SHANK2: variants seen among roughly 807,000 people sequenced by gnomAD.
SHANK2 encodes SH3 and multiple ankyrin repeat domains protein 2.
SHANK2 carries 43 observed loss-of-function variants against 133.7 expected under a neutral mutation model. The observed-to-expected ratio is 0.32, with a 90% confidence interval of 0.25 to 0.41. The LOEUF (loss-of-function observed/expected upper bound fraction) is 0.41, where lower values mean the gene tolerates loss of function less well. SHANK2 is among the 10% of genes least tolerant of loss of function. The pLI is 1.00. For synonymous variants in SHANK2, 1,017 were observed against 952.8 expected, an observed-to-expected ratio of 1.07 and a Z score of -1.24; for missense variants, 1,994 against 2,235.8, an observed-to-expected ratio of 0.89 and a Z score of 2.18.
chr11:70,894,004 A>C (rs1949894027), intron 11 of SHANK2, among the ~76,000 whole-genome samples: 1 of 152,182 alleles, frequency 6.6e-6, no homozygotes, highest in South Asian at 2.1e-4. Flanking sequence ...TCGCCCAACA[A>C]ATGGGCATTC....
intron 14 of SHANK2, among the ~76,000 whole-genome samples, chr11:70,782,156 C>G (rs183482105): frequency 5.3e-5 from 8 of 151,606 alleles, no homozygotes; most frequent in Admixed American, 5.3e-4. Context: ...CCTCTGCCTC[C>G]TGGGTTCAAG....
chr11:70,626,957 C>T (rs2060913382), intron 17 of SHANK2, among the ~76,000 whole-genome samples: 1 of 152,204 alleles, frequency 6.6e-6, no homozygotes, highest in South Asian at 2.1e-4. Context: ...GCACGTATCT[C>T]ATTTCCTGGG....
At chr11:70,864,219 G>A (rs1240454563) in intron 11 of SHANK2, 1 of 184,596 alleles carries the variant, frequency 5.4e-6, no homozygotes, top group Non-Finnish European at 1.1e-5. Flanking sequence ...ACTCCACTGG[G>A]ATGCTCTGCT....
chr11:71,141,587 T>G (rs1555105810), intron 3 of SHANK2, among the ~76,000 whole-genome samples: 1 of 152,160 alleles, frequency 6.6e-6, no homozygotes, highest in Non-Finnish European at 1.5e-5. Context: ...TCCCCAGCCA[T>G]GTGGAACTGT....
chr11:70,950,727 C>T (rs1292947617), intron 10 of SHANK2, among the ~76,000 whole-genome samples: 1 of 152,176 alleles, frequency 6.6e-6, no homozygotes, highest in Non-Finnish European at 1.5e-5. Flanking sequence ...CATGCCTCAG[C>T]CTCCCAAGTA....
chr11:70,492,095 C>T (rs549350119), intron 22 of SHANK2, among the ~76,000 whole-genome samples: 3 of 152,190 alleles, frequency 2.0e-5, no homozygotes, highest in Non-Finnish European at 2.9e-5. Flanking sequence ...AGGACACCTT[C>T]GAGGCTCAGG....
chr11:70,894,966 G>C (rs1208509049), intron 11 of SHANK2, among the ~76,000 whole-genome samples: 2 of 152,238 alleles, frequency 1.3e-5, no homozygotes, highest in Admixed American at 1.3e-4. Flanking sequence ...CACTCTGAGA[G>C]CTCAGTTCAT....
At chr11:70,755,689 C>T (rs1029410533) in intron 14 of SHANK2, among the ~76,000 whole-genome samples, 4 of 152,120 alleles carry the variant, frequency 2.6e-5, no homozygotes, top group African/African-American at 7.2e-5. Context: ...CTCCGCACCC[C>T]GCGGCTGCCA....
At chr11:71,241,861 A>G (rs1455927129) in intron 1 of SHANK2, among the ~76,000 whole-genome samples, 1 of 152,228 alleles carries the variant, frequency 6.6e-6, no homozygotes, top group African/African-American at 2.4e-5. Flanking sequence ...TAGTATCTCA[A>G]GACCAGACGG....
intron 10 of SHANK2, among the ~76,000 whole-genome samples, chr11:70,915,061 T>C (rs1468729297): frequency 6.6e-6 from 1 of 152,202 alleles, no homozygotes; most frequent in Admixed American, 6.5e-5. Context: ...CTAATCTTAG[T>C]AATGTGATCT....
At chr11:71,130,108 T>C (rs1952270956) in intron 3 of SHANK2, among the ~76,000 whole-genome samples, 1 of 152,192 alleles carries the variant, frequency 6.6e-6, no homozygotes, top group Non-Finnish European at 1.5e-5. Context: ...TTTAACTTGA[T>C]TGCCTCTGTA....
intron 3 of SHANK2, 48 bp downstream of exon 3, chr11:71,147,072 A>C (rs1952665686): frequency 2.0e-6 from 3 of 1,474,326 alleles, no homozygotes; most frequent in Middle Eastern, 4.7e-4. Flanking sequence ...TTCAAGCCAC[A>C]GGTGACATTG....
At chr11:71,238,556 C>T (rs1555124010) in intron 1 of SHANK2, among the ~76,000 whole-genome samples, 1 of 152,162 alleles carries the variant, frequency 6.6e-6, no homozygotes, top group Non-Finnish European at 1.5e-5. Flanking sequence ...AAAATGAACC[C>T]AACACTCCCC....
At chr11:71,183,985 C>A (rs1446846542) in intron 2 of SHANK2, among the ~76,000 whole-genome samples, 5 of 152,172 alleles carry the variant, frequency 3.3e-5, no homozygotes, top group Non-Finnish European at 7.4e-5. Context: ...TTGTACTTCC[C>A]CATTTCACAC....
At chr11:70,662,071 G>A (rs1004611172) in intron 15 of SHANK2, 3 of 485,442 alleles carry the variant, frequency 6.2e-6, no homozygotes, top group Non-Finnish European at 1.1e-5. Context: ...CTCAGCAGCG[G>A]CGGCGTCGGG....
chr11:70,799,456 G>A (rs1028827203), intron 13 of SHANK2, among the ~76,000 whole-genome samples: 1 of 152,120 alleles, frequency 6.6e-6, no homozygotes, highest in Non-Finnish European at 1.5e-5. Context: ...AGCAGCTCAC[G>A]AATCATCTGA....
chr11:71,166,502 T>A (rs1953154678), intron 2 of SHANK2, among the ~76,000 whole-genome samples: 1 of 147,712 alleles, frequency 6.8e-6, no homozygotes, highest in Admixed American at 6.7e-5. Flanking sequence ...TTTTTTGAGA[T>A]GGAGTTTCGC....
At chr11:71,176,934 A>C (rs2135531388) in intron 2 of SHANK2, among the ~76,000 whole-genome samples, 1 of 152,338 alleles carries the variant, frequency 6.6e-6, no homozygotes, top group South Asian at 2.1e-4. Flanking sequence ...ATGGCTCAAA[A>C]CCAAAGATAA....
chr11:70,635,769 G>A (rs1472232731), intron 17 of SHANK2, among the ~76,000 whole-genome samples: 1 of 151,914 alleles, frequency 6.6e-6, no homozygotes, highest in African/African-American at 2.4e-5. Flanking sequence ...AAAAAAAAAG[G>A]GGGGAGGAAG....
Sources: allele counts gnomAD v4.1 joint callset (sites outside exome capture counted in the v4.1 genomes callset), GRCh38; gene constraint gnomAD v4.1.1; transcripts MANE v1.5; gene names NCBI Gene and HGNC (gene_info 2026-07-23, HGNC 2026-07-21).